The following PHACTR2 variants were observed in gnomAD, a reference collection of about 807,000 sequenced individuals.
PHACTR2 encodes phosphatase and actin regulator 2, also known as chromosome 6 open reading frame 56.
PHACTR2 carries 30 observed loss-of-function variants against 76.0 expected under a neutral mutation model. The ratio of observed to expected loss-of-function variants is 0.39; its 90% CI spans 0.30 to 0.54. PHACTR2 has a LOEUF of 0.54. PHACTR2 is among the 20% of genes least tolerant of loss of function. PHACTR2 has a pLI of 0.61. For missense variants in PHACTR2, 696 were observed against 781.1 expected (o/e 0.89, Z 1.30); for synonymous variants, 292 against 292.5 (o/e 1.00, Z 0.02).
Position 143,550,711 on chromosome 6 carries a change from G to A in PHACTR2, c.217+13504G>A, listed in dbSNP as rs1343157264. Among the ~76,000 whole-genome samples the A allele has an allele frequency of 1.3e-5, 2 of 151,380 alleles. No homozygotes were observed. Among genetic ancestry groups the A allele is most frequent in the South Asian group, 2.1e-4 (1 of 4,818 alleles). On this transcript the variant is annotated intron_variant, in intron 1 of 11. Coordinates refer to the PHACTR2 transcript ENST00000367584. This position sits in a 1 kb window ranked among gnomAD's most constrained non-coding sequence, Gnocchi z 4.8. ...ACTGTACAATTAAGAGGCGGGAATA[G>A]ATTTAAAAAAACAAACAACAACAAA...
chr6:143,620,119 C>A (rs1215209747), intron 1 of PHACTR2, among the ~76,000 whole-genome samples: 5 of 152,150 alleles, frequency 3.3e-5, no homozygotes, highest in Admixed American at 3.3e-4. Flanking sequence ...TTAAAGCCAA[C>A]TTTGTTTTTA....
chr6:143,765,920 C>G lies in PHACTR2; in HGVS notation c.1232+122C>G. 1.2e-6 allele frequency: 1 copy of G among 800,884 alleles called. No homozygotes were observed. Among genetic ancestry groups the G allele is most frequent in the Non-Finnish European group, 1.9e-6 (1 of 514,654 alleles). The allele number at this position is 800,884 out of a possible 1,614,324, so 49.6% of individuals were successfully genotyped here. A position where few individuals can be genotyped will look rare whatever the true frequency, so the allele number is the denominator to read the frequency against. ...TTTAATCTACTGAGTGTTAGGTAGGCATACATGTGATCCAACCATTGCTTT... is the reference window on the plus strand; with the variant it reads ...TTTAATCTACTGAGTGTTAGGTAGGGATACATGTGATCCAACCATTGCTTT... On this transcript the variant is annotated intron_variant, in intron 6 of 12. Coordinates refer to ENST00000440869, the MANE Select transcript of PHACTR2 (RefSeq NM_001100164.2). The surrounding 1 kb of genome is among the most constrained non-coding windows in gnomAD (Gnocchi z 4.1).
Position 143,616,753 on chromosome 6 carries a change from G to A in PHACTR2, c.13+8431G>A, listed in dbSNP as rs1163722914. On this transcript the variant is annotated intron_variant, in intron 1 of 11. Transcript: ENST00000305766. This position sits in a 1 kb window ranked among gnomAD's most constrained non-coding sequence, Gnocchi z 4.9. ...CAACTGGTATTTGGATAAGGAATGA[G>A]GTTGGGGTGGAGGCTACGCCAGACT... Among the ~76,000 whole-genome samples the A allele has an allele frequency of 1.3e-5, 2 of 152,196 alleles. No homozygotes were observed. Among genetic ancestry groups the A allele is most frequent in the African/African-American group, 4.8e-5 (2 of 41,448 alleles).
At chr6:143,630,127 C>A (rs1776337122) in intron 1 of PHACTR2, among the ~76,000 whole-genome samples, 1 of 150,858 alleles carries the variant, frequency 6.6e-6, no homozygotes, top group Admixed American at 6.6e-5. Context: ...TATTATAAGT[C>A]ATTATATTTC....
At position 143,811,344 on chromosome 6, in the gene PHACTR2, A is replaced by T. The variant is rs1471717899; in HGVS notation, c.1922+4211A>T. ...GGATAGATTTGTAGTGTACTTTTAT[A>T]TTTGATGGGGCATTTTTTCACCCTC... On this transcript the variant is annotated intron_variant, in intron 12 of 12. Coordinates refer to ENST00000440869, the MANE Select transcript of PHACTR2 (RefSeq NM_001100164.2). The surrounding 1 kb of genome is among the most constrained non-coding windows in gnomAD (Gnocchi z 4.1). Among the ~76,000 whole-genome samples, 8 of 152,074 alleles carry T rather than the reference A, an allele frequency of 5.3e-5. No individual in the cohort carries two copies. Among genetic ancestry groups the T allele is most frequent in the African/African-American group, 1.9e-4 (8 of 41,416 alleles).
Position 143,709,597 on chromosome 6 carries a change from C to T in PHACTR2, c.47-2419C>T, listed in dbSNP as rs895767281. Among the ~76,000 whole-genome samples the T allele has an allele frequency of 5.9e-5, 9 of 152,240 alleles. No homozygotes were observed. Among genetic ancestry groups the T allele is most frequent in the African/African-American group, 1.2e-4 (5 of 41,534 alleles). ...CTATAGCAGGGGAAGCAGTGGGTGC[C>T]GCCTTGTCACCCCGACATGGAGGTA... On this transcript the variant is annotated intron_variant, in intron 1 of 12. Transcript: ENST00000440869. This position sits in a 1 kb window ranked among gnomAD's most constrained non-coding sequence, Gnocchi z 4.4.
At chr6:143,779,683 T>C (rs1775372593) in intron 9 of PHACTR2, among the ~76,000 whole-genome samples, 1 of 152,196 alleles carries the variant, frequency 6.6e-6, no homozygotes, top group African/African-American at 2.4e-5. Context: ...ACTAGAAAAC[T>C]AATTCACAGA....
upstream of PHACTR2, among the ~76,000 whole-genome samples, chr6:143,673,360 A>C (rs1777189916): frequency 6.6e-6 from 1 of 151,824 alleles, no homozygotes; most frequent in African/African-American, 2.4e-5. Context: ...GGAAGTTACC[A>C]TTAAGGAGAT....
At position 143,602,609 on chromosome 6, in the gene PHACTR2, G is replaced by A. The variant is rs1362838742; in HGVS notation, c.217+65402G>A. Among the ~76,000 whole-genome samples, 3 of 152,170 alleles carry A rather than the reference G, an allele frequency of 2.0e-5. No individual in the cohort carries two copies. The highest frequency in any genetic ancestry group is 2.9e-5 in the Non-Finnish European group (2 of 68,038). On this transcript the variant is annotated intron_variant, in intron 1 of 11. Transcript: ENST00000367584. The surrounding 1 kb of genome is among the most constrained non-coding windows in gnomAD (Gnocchi z 6.1). ...GCTTTTGGCTCCCTGCTCATTCATC[G>A]AAATGGTCAGCTAGCTTCTTGTGCC...
intron 2 of PHACTR2, among the ~76,000 whole-genome samples, chr6:143,746,803 A>G (rs1283173751): frequency 6.6e-6 from 1 of 152,008 alleles, no homozygotes; most frequent in Non-Finnish European, 1.5e-5. Flanking sequence ...TTTAAATAAC[A>G]ACACTCTTTT....
At chr6:143,622,889 A>G (rs1776181891) in intron 1 of PHACTR2, among the ~76,000 whole-genome samples, 1 of 152,226 alleles carries the variant, frequency 6.6e-6, no homozygotes, top group Non-Finnish European at 1.5e-5. Flanking sequence ...TATACTTTAA[A>G]AAAATGTTCT....
intron 1 of PHACTR2, among the ~76,000 whole-genome samples, chr6:143,577,929 A>G (rs1775532288): frequency 6.6e-6 from 1 of 152,238 alleles, no homozygotes; most frequent in African/African-American, 2.4e-5. Context: ...GACTATCAAT[A>G]TAATGTTATA....
Position 143,608,295 on chromosome 6 carries a change from C to T in PHACTR2, c.-15C>T, listed in dbSNP as rs200925186. On this transcript the variant is annotated 5_prime_UTR_variant, in exon 1 of 12. Transcript: ENST00000305766. The surrounding 1 kb of genome is among the most constrained non-coding windows in gnomAD (Gnocchi z 4.6). Reference sequence around the variant, plus strand: ...GGCTGCCAGGCTACAGAACTCGCCTCGCCACTCCTGAGACATGGACAACGC... The same window carrying T: ...GGCTGCCAGGCTACAGAACTCGCCTTGCCACTCCTGAGACATGGACAACGC... The T allele has an allele frequency of 5.3e-5, 85 of 1,614,064 alleles. No homozygotes were observed. Among genetic ancestry groups the T allele is most frequent in the Non-Finnish European group, 6.6e-5 (78 of 1,179,936 alleles).
intron 9 of PHACTR2, among the ~76,000 whole-genome samples, chr6:143,779,917 ATATTATATTAT>A (rs1408138325): frequency 2.1e-5 from 3 of 139,648 alleles, no homozygotes; most frequent in Non-Finnish European, 4.9e-5. Context: ...ATATTATATT[ATATTATATTAT>A]ATTATATTAT....
chr6:143,793,668 A>C lies in PHACTR2; in HGVS notation c.1845+4758A>C, dbSNP rs1361747207. ...ATGCCTGTAATCCTAGCACTTTGGGAGGCCAAGGTTTCTTGAGCTCAAGAT... is the reference window on the plus strand; with the variant it reads ...ATGCCTGTAATCCTAGCACTTTGGGCGGCCAAGGTTTCTTGAGCTCAAGAT... On this transcript the variant is annotated intron_variant, in intron 11 of 12. Coordinates refer to ENST00000440869, the MANE Select transcript of PHACTR2 (RefSeq NM_001100164.2). This position sits in a 1 kb window ranked among gnomAD's most constrained non-coding sequence, Gnocchi z 4.4. 2.0e-5 allele frequency among the ~76,000 whole-genome samples: 3 copies of C among 152,112 alleles called. No homozygotes were observed. Among genetic ancestry groups the C allele is most frequent in the African/African-American group, 7.2e-5 (3 of 41,422 alleles).
intron 1 of PHACTR2, among the ~76,000 whole-genome samples, chr6:143,613,168 G>A (rs1776008048): frequency 6.6e-6 from 1 of 152,182 alleles, no homozygotes; most frequent in African/African-American, 2.4e-5. Flanking sequence ...GTAGAGACGG[G>A]GTTTCACCGT....
Position 143,700,860 on chromosome 6 carries a change from A to G in PHACTR2, c.47-11156A>G, listed in dbSNP as rs1190856929. Among the ~76,000 whole-genome samples, 1 of 152,212 alleles carries G rather than the reference A, an allele frequency of 6.6e-6. No homozygotes were observed. Among genetic ancestry groups the G allele is most frequent in the Non-Finnish European group, 1.5e-5 (1 of 68,032 alleles). ...TGTATATGACTAACATCTACGGGGA[A>G]CAAGATAGGTTGTTGGTTGATTCCT... On this transcript the variant is annotated intron_variant, in intron 1 of 12. Coordinates refer to ENST00000440869, the MANE Select transcript of PHACTR2 (RefSeq NM_001100164.2). The surrounding 1 kb of genome is among the most constrained non-coding windows in gnomAD (Gnocchi z 4.1).
In PHACTR2 at chr6:143,787,666, A is replaced by G. The variant is rs1301443874; in HGVS notation, c.1708-1107A>G. On this transcript the variant is annotated intron_variant, in intron 10 of 12. Coordinates refer to ENST00000440869, the MANE Select transcript of PHACTR2 (RefSeq NM_001100164.2). This position sits in a 1 kb window ranked among gnomAD's most constrained non-coding sequence, Gnocchi z 4.6. ...TGTGGCTTATGCCTGTAACCCCAGC[A>G]CTTTGGGAGGCTGAGATGGGAGAAT... 1.3e-5 allele frequency among the ~76,000 whole-genome samples: 2 copies of G among 152,154 alleles called. No individual in the cohort carries two copies. Among genetic ancestry groups the G allele is most frequent in the Non-Finnish European group, 2.9e-5 (2 of 68,026 alleles).
At chr6:143,792,614 T>G (rs1407723281) in intron 11 of PHACTR2, among the ~76,000 whole-genome samples, 1 of 152,186 alleles carries the variant, frequency 6.6e-6, no homozygotes, top group African/African-American at 2.4e-5. Context: ...TTCATGAGGT[T>G]GACTAAGGTC....
Sources: gnomAD v4.1 joint callset for allele counts (sites outside exome capture counted in the v4.1 genomes callset) on GRCh38, gnomAD v4.1.1 for gene constraint, Gnocchi (gnomAD v3.1) non-coding constraint, MANE v1.5 for transcripts, NCBI Gene and HGNC (gene_info 2026-07-23, HGNC 2026-07-21) for gene names.